The following PDE8A variants were observed in gnomAD, a reference collection of about 807,000 sequenced individuals.
The protein encoded by PDE8A is high affinity cAMP-specific and IBMX-insensitive 3',5'-cyclic phosphodiesterase 8A.
In PDE8A, 59 loss-of-function variants were observed where a neutral mutation model predicts 105.0. The ratio of observed to expected loss-of-function variants is 0.56; its 90% CI spans 0.46 to 0.70. The LOEUF (loss-of-function observed/expected upper bound fraction) is 0.70, where lower values mean the gene tolerates loss of function less well. Ranked by LOEUF, PDE8A falls within the 30% of genes least tolerant of loss-of-function variation. The probability of loss-of-function intolerance (pLI) is 0.00; values close to 1 mark genes in which losing one functional copy is unlikely to be tolerated. For missense variants in PDE8A, 1,014 were observed against 1,045.9 expected, an observed-to-expected ratio of 0.97 and a Z score of 0.42; for synonymous variants, 355 against 371.9, an observed-to-expected ratio of 0.95 and a Z score of 0.52.
chr15:85,131,720 T>C (rs2082332756), intron 20 of PDE8A, among the ~76,000 whole-genome samples: 1 of 152,254 alleles, frequency 6.6e-6, no homozygotes. Flanking sequence ...ATCAAGTTAC[T>C]GTCTAGCTTC....
chr15:85,115,853 G>A, intron 15 of PDE8A, 131 bp from the exon 16 acceptor site: 2 of 757,814 alleles, frequency 2.6e-6, no homozygotes, highest in Non-Finnish European at 4.3e-6. Flanking sequence ...CCGGGAGGCG[G>A]AGGTTGCAGT....
intron 20 of PDE8A, among the ~76,000 whole-genome samples, chr15:85,135,044 C>A (rs899791134): frequency 5.9e-5 from 9 of 152,264 alleles, no homozygotes; most frequent in Admixed American, 5.2e-4. Flanking sequence ...GACCTGGCAT[C>A]CCCTGGAGGG....
rs1007664953 is a variant in PDE8A, at chr15:85,012,140, T to C, written c.186+29792T>C. Among the ~76,000 whole-genome samples the C allele has an allele frequency of 1.2e-3, 181 of 152,316 alleles. 1 individual carries two copies. Among genetic ancestry groups the C allele is most frequent in the Non-Finnish European group, 2.1e-3 (145 of 68,018 alleles). ...TCAACCATTGTGGAAGTCAGTGTGGTGATTCCTCAGGGATCTAGAACTAGA... is the reference window on the plus strand; with the variant it reads ...TCAACCATTGTGGAAGTCAGTGTGGCGATTCCTCAGGGATCTAGAACTAGA... On this transcript the variant is annotated intron_variant, in intron 1 of 21. Coordinates refer to ENST00000394553, the MANE Select transcript of PDE8A (RefSeq NM_002605.3).
chr15:85,066,134 A>G (rs933414902), intron 2 of PDE8A, among the ~76,000 whole-genome samples: 2 of 152,368 alleles, frequency 1.3e-5, no homozygotes, highest in East Asian at 3.9e-4. Context: ...ATTAGCATTC[A>G]CCATCTGAGA....
chr15:85,072,942 A>G (rs114120892), intron 3 of PDE8A, among the ~76,000 whole-genome samples: 1,856 of 150,738 alleles, frequency 0.012, 44 homozygotes, highest in African/African-American at 0.043. Context: ...GTGAAACCCT[A>G]TCTTTACAAA....
At chr15:85,045,021 C>G (rs1477217973) in intron 1 of PDE8A, among the ~76,000 whole-genome samples, 3 of 152,178 alleles carry the variant, frequency 2.0e-5, no homozygotes, top group Admixed American at 2.0e-4. Context: ...CTCTTTGTTT[C>G]CTCCAGTGTC....
chr15:84,984,661 T>G (rs550718947), intron 1 of PDE8A, among the ~76,000 whole-genome samples: 10 of 152,182 alleles, frequency 6.6e-5, no homozygotes, highest in Admixed American at 2.6e-4. Flanking sequence ...AGTATGTACT[T>G]TGCGTTAAAG....
chr15:85,064,477 G>A (rs1174055812), intron 2 of PDE8A, 51 bp downstream of exon 2: 14 of 1,162,354 alleles, frequency 1.2e-5, no homozygotes, highest in Non-Finnish European at 1.4e-5. Context: ...CTTTAAAAAG[G>A]GTGGAGGTGG....
intron 1 of PDE8A, among the ~76,000 whole-genome samples, chr15:84,992,327 A>T (rs2079898765): frequency 6.6e-6 from 1 of 152,026 alleles, no homozygotes; most frequent in South Asian, 2.1e-4. Flanking sequence ...GACTGGGAGG[A>T]TGTGGATAAG....
chr15:85,111,079 A>G (rs1299737669), intron 12 of PDE8A, among the ~76,000 whole-genome samples: 1 of 152,076 alleles, frequency 6.6e-6, no homozygotes, highest in African/African-American at 2.4e-5. Flanking sequence ...ATTGGGTTGT[A>G]TATCTTGTTG....
intron 1 of PDE8A, among the ~76,000 whole-genome samples, chr15:85,041,208 T>TA (rs1800089604): frequency 6.6e-6 from 1 of 152,156 alleles, no homozygotes; most frequent in African/African-American, 2.4e-5. Context: ...TGGGAAAAAA[T>TA]ACGATTCATT....
chr15:85,033,324 G>T (rs1194083620), intron 1 of PDE8A, among the ~76,000 whole-genome samples: 3 of 152,168 alleles, frequency 2.0e-5, no homozygotes, highest in African/African-American at 7.2e-5. Context: ...TGCAGAAGAG[G>T]CTGGATTGAA....
intron 1 of PDE8A, among the ~76,000 whole-genome samples, chr15:85,056,135 C>T (rs2081055747): frequency 6.6e-6 from 1 of 152,066 alleles, no homozygotes; most frequent in Non-Finnish European, 1.5e-5. Context: ...TGAATATTGG[C>T]CCCCACCCTC....
intron 8 of PDE8A, 97 bp downstream of exon 8, chr15:85,091,278 C>A: frequency 9.1e-7 from 1 of 1,099,058 alleles, no homozygotes; most frequent in Admixed American, 2.4e-5. Flanking sequence ...TAATCTTACT[C>A]CTCCCAGCAG....
chr15:85,126,338 G>A lies in PDE8A; in HGVS notation c.2217G>A (p.Glu739=), dbSNP rs145794013. The A allele has an allele frequency of 3.4e-3, 5,393 of 1,604,406 alleles. 18 individuals carry two copies. Among genetic ancestry groups the A allele is most frequent in the Non-Finnish European group, 3.9e-3 (4,544 of 1,174,984 alleles). Residue 739 remains glutamate, a synonymous_variant, in exon 20 of 22, where the codon GAG becomes GAA. Transcript: ENST00000394553. ...NPCRPLQYCI[E]WAARISEEYF... The stretch of plus-strand genomic sequence containing the variant: ...GCCGACCCCTGCAGTACTGCATCGA[G>A]TGGGCTGCACGCATTTCGGAAGAAT...
chr15:85,117,898 C>T, intron 17 of PDE8A, 59 bp downstream of exon 17: 1 of 1,313,158 alleles, frequency 7.6e-7, no homozygotes, highest in Non-Finnish European at 1.1e-6. Flanking sequence ...GAGTCTAGTG[C>T]TTCTGCCTCC....
chr15:85,124,370 A>G (rs1182130763), intron 19 of PDE8A, among the ~76,000 whole-genome samples: 1 of 152,130 alleles, frequency 6.6e-6, no homozygotes, highest in Non-Finnish European at 1.5e-5. Context: ...ATGTTCTTTC[A>G]TGAACCTCTT....
Position 85,137,970 on chromosome 15 carries a change from A to G in PDE8A, c.*67A>G, listed in dbSNP as rs1489295838. The G allele has an allele frequency of 5.0e-6, 5 of 992,614 alleles. No individual in the cohort carries two copies. Among genetic ancestry groups the G allele is most frequent in the Non-Finnish European group, 6.4e-6 (4 of 627,716 alleles). 61.5% of individuals were successfully genotyped at this position (992,614 alleles called of 1,614,324 possible). On this transcript the variant is annotated 3_prime_UTR_variant, in exon 22 of 22. Transcript: ENST00000394553. ...TCATTTGGAATTCCTGAGGGCAGCC[A>G]GAGCTCCTTGGTCCTTTCAGTACTA... is the stretch of plus-strand genomic sequence containing the variant.
At chr15:84,995,955 T>C (rs1279884500) in intron 1 of PDE8A, among the ~76,000 whole-genome samples, 1 of 152,234 alleles carries the variant, frequency 6.6e-6, no homozygotes, top group African/African-American at 2.4e-5. Context: ...TCATTTATTA[T>C]TTGTTACTCT....
Sources: allele counts gnomAD v4.1 joint callset (sites outside exome capture counted in the v4.1 genomes callset), GRCh38; gene constraint gnomAD v4.1.1; transcripts MANE v1.5; gene names NCBI Gene and HGNC (gene_info 2026-07-23, HGNC 2026-07-21).